Variants in SCHIP1 observed in about 807,000 individuals in gnomAD.
SCHIP1 encodes the protein schwannomin interacting protein 1.
In SCHIP1, 8 loss-of-function variants were observed where a neutral mutation model predicts 29.7. The ratio of observed to expected loss-of-function variants is 0.27; its 90% CI spans 0.16 to 0.49. SCHIP1 has a LOEUF of 0.49. Ranked by LOEUF, SCHIP1 falls within the 20% of genes least tolerant of loss-of-function variation. The pLI, the probability that SCHIP1 is intolerant of heterozygous loss-of-function variation, is 0.99. For synonymous variants in SCHIP1, 76 were observed against 94.9 expected (o/e 0.80, Z 1.16); for missense variants, 193 against 294.6 (o/e 0.66, Z 2.52).
the SCHIP1 span, among the ~76,000 whole-genome samples, chr3:159,780,806 G>A: frequency 6.6e-6 from 1 of 152,134 alleles, no homozygotes; most frequent in South Asian, 2.1e-4. Flanking sequence ...GCCCCCATAG[G>A]GATTCGACCT....
the SCHIP1 span, among the ~76,000 whole-genome samples, chr3:159,388,710 A>T: frequency 6.6e-6 from 1 of 152,166 alleles, no homozygotes; most frequent in Non-Finnish European, 1.5e-5. Flanking sequence ...TAGTTTTGAA[A>T]AATAAACAAT....
the SCHIP1 span, among the ~76,000 whole-genome samples, chr3:159,501,492 C>G: frequency 6.6e-6 from 1 of 152,150 alleles, no homozygotes; most frequent in Non-Finnish European, 1.5e-5. Context: ...ACCAGATAAA[C>G]AGTGTCAGGA....
the SCHIP1 span, among the ~76,000 whole-genome samples, chr3:159,603,169 A>G: frequency 2.0e-5 from 3 of 152,220 alleles, no homozygotes; most frequent in Admixed American, 2.0e-4. Context: ...GGTATTACAA[A>G]AAAACACAAG....
chr3:159,546,706 A>C, the SCHIP1 span, among the ~76,000 whole-genome samples: 1 of 152,062 alleles, frequency 6.6e-6, no homozygotes, highest in Non-Finnish European at 1.5e-5. Context: ...ATTTGCTGAG[A>C]GTGATGGTTT....
At chr3:159,620,115 G>A in the SCHIP1 span, among the ~76,000 whole-genome samples, 107 of 152,276 alleles carry the variant, frequency 7.0e-4, 1 homozygote, top group East Asian at 0.019. Context: ...ATAGACCAGT[G>A]CCTCTGTCAC....
chr3:159,800,441 C>A, the SCHIP1 span, among the ~76,000 whole-genome samples: 1 of 152,132 alleles, frequency 6.6e-6, no homozygotes, highest in Non-Finnish European at 1.5e-5. Context: ...AAGCCAGGGT[C>A]GGAAACTCAG....
At chr3:159,460,202 C>T in the SCHIP1 span, among the ~76,000 whole-genome samples, 3 of 152,240 alleles carry the variant, frequency 2.0e-5, no homozygotes, top group African/African-American at 7.2e-5. Flanking sequence ...AGAATTCCCA[C>T]TCTTTACCAT....
the SCHIP1 span, among the ~76,000 whole-genome samples, chr3:159,749,780 A>G: frequency 1.3e-5 from 2 of 152,220 alleles, no homozygotes; most frequent in Admixed American, 1.3e-4. Context: ...ACACATATGC[A>G]TATTCTAATA....
chr3:159,849,909 A>T (rs1331428019), intron 1 of SCHIP1, among the ~76,000 whole-genome samples: 3 of 152,226 alleles, frequency 2.0e-5, no homozygotes, highest in Non-Finnish European at 4.4e-5. Flanking sequence ...CTTAGTCAAC[A>T]GCTCTTCATT....
At chr3:159,429,060 G>A in the SCHIP1 span, among the ~76,000 whole-genome samples, 12 of 142,752 alleles carry the variant, frequency 8.4e-5, no homozygotes, top group Admixed American at 2.1e-4. Flanking sequence ...GTTGGGGGAG[G>A]GGGGAGGGAT....
the SCHIP1 span, among the ~76,000 whole-genome samples, chr3:159,747,442 T>C: frequency 1.3e-5 from 2 of 152,230 alleles, no homozygotes; most frequent in African/African-American, 4.8e-5. Context: ...GGCAGACTTG[T>C]ATTTACATTC....
the SCHIP1 span, among the ~76,000 whole-genome samples, chr3:159,495,614 A>T: frequency 1.9e-4 from 29 of 152,340 alleles, no homozygotes; most frequent in Middle Eastern, 3.4e-3. Context: ...AAGAGGATAC[A>T]AACAAATGGA....
At chr3:159,385,778 T>C in the SCHIP1 span, among the ~76,000 whole-genome samples, 3 of 152,152 alleles carry the variant, frequency 2.0e-5, no homozygotes, top group African/African-American at 7.2e-5. Context: ...TAGGTATACA[T>C]GTGCCATGGT....
chr3:159,804,299 G>A, the SCHIP1 span, among the ~76,000 whole-genome samples: 1 of 152,188 alleles, frequency 6.6e-6, no homozygotes, highest in Admixed American at 6.5e-5. Flanking sequence ...TGTTCTCTCT[G>A]TCAGTTCATT....
the SCHIP1 span, among the ~76,000 whole-genome samples, chr3:159,552,895 C>A: frequency 1.3e-5 from 2 of 152,140 alleles, no homozygotes; most frequent in African/African-American, 4.8e-5. Context: ...GTTGGACTTT[C>A]AGCCATGCCT....
At chr3:159,794,708 T>C in the SCHIP1 span, among the ~76,000 whole-genome samples, 1 of 152,140 alleles carries the variant, frequency 6.6e-6, no homozygotes, top group Non-Finnish European at 1.5e-5. Flanking sequence ...TCCACAGGCT[T>C]CCCCAGAGTG....
the SCHIP1 span, among the ~76,000 whole-genome samples, chr3:159,300,113 CTTTTTTTTTT>C: frequency 1.5e-4 from 7 of 45,358 alleles, 1 homozygote; most frequent in Admixed American, 1.2e-3. Flanking sequence ...GGGAAAGCTG[CTTTTTTTTTT>C]TTTTTTTTTT....
the SCHIP1 span, among the ~76,000 whole-genome samples, chr3:159,738,484 T>C: frequency 6.6e-6 from 1 of 152,352 alleles, no homozygotes; most frequent in African/African-American, 2.4e-5. Context: ...TAATATTCAC[T>C]GTGGGACTTG....
chr3:159,290,341 T>A, the SCHIP1 span, among the ~76,000 whole-genome samples: 2 of 152,146 alleles, frequency 1.3e-5, no homozygotes, highest in Admixed American at 6.6e-5. Flanking sequence ...ACTTGTATGT[T>A]TTTGTTTGCC....
Sources: gnomAD v4.1 joint callset for allele counts (sites outside exome capture counted in the v4.1 genomes callset) on GRCh38, gnomAD v4.1.1 for gene constraint, MANE v1.5 for transcripts, NCBI Gene and HGNC (gene_info 2026-07-23, HGNC 2026-07-21) for gene names.